The following PAFAH1B1 variants were observed in gnomAD, a reference collection of about 807,000 sequenced individuals.
PAFAH1B1 encodes platelet activating factor acetylhydrolase 1b regulatory subunit 1.
PAFAH1B1 carries 2 observed loss-of-function variants against 57.5 expected under a neutral mutation model. That is an observed-to-expected ratio of 0.03 (90% CI 0.01 to 0.11). The LOEUF (loss-of-function observed/expected upper bound fraction) is 0.11, where lower values mean the gene tolerates loss of function less well. PAFAH1B1 is among the 10% of genes least tolerant of loss of function. The pLI is 1.00. For missense variants in PAFAH1B1, 257 were observed against 512.0 expected, an observed-to-expected ratio of 0.50 and a Z score of 4.81; for synonymous variants, 152 against 169.6, an observed-to-expected ratio of 0.90 and a Z score of 0.81.
intron 3 of PAFAH1B1, 119 bp from the exon 4 acceptor site, chr17:2,665,897 G>A (rs1745209997): frequency 9.2e-7 from 1 of 1,083,898 alleles, no homozygotes; most frequent in Non-Finnish European, 1.3e-6. Flanking sequence ...ACCATGCCCA[G>A]CCACTCCCTT....
At chr17:2,665,865 G>A (rs2069100402) in intron 3 of PAFAH1B1, 151 bp from the exon 4 acceptor site, 1 of 793,322 alleles carries the variant, frequency 1.3e-6, no homozygotes, top group East Asian at 3.4e-5. Context: ...GCTTCCCAAA[G>A]TGCTGGGATT....
At chr17:2,614,593 G>A (rs760605219) in intron 1 of PAFAH1B1, among the ~76,000 whole-genome samples, 1 of 152,032 alleles carries the variant, frequency 6.6e-6, no homozygotes, top group Non-Finnish European at 1.5e-5. Flanking sequence ...TTTTAAAGAC[G>A]ACTTTTATAA....
intron 1 of PAFAH1B1, among the ~76,000 whole-genome samples, chr17:2,612,735 A>G (rs2068281601): frequency 6.6e-6 from 1 of 150,960 alleles, no homozygotes; most frequent in African/African-American, 2.4e-5. Context: ...CCAGCCTCCT[A>G]CGTAGCTGGG....
At chr17:2,647,531 T>C (rs1184737241) in intron 2 of PAFAH1B1, among the ~76,000 whole-genome samples, 1 of 152,086 alleles carries the variant, frequency 6.6e-6, no homozygotes, top group Non-Finnish European at 1.5e-5. Context: ...AGTGAGACCC[T>C]GTCTCAAAAA....
At chr17:2,598,658 T>C (rs1417776853) in intron 1 of PAFAH1B1, among the ~76,000 whole-genome samples, 5 of 151,670 alleles carry the variant, frequency 3.3e-5, no homozygotes, top group Non-Finnish European at 7.4e-5. Flanking sequence ...TGGTATACAA[T>C]ACGAGTTCTG....
chr17:2,593,970 G>C lies in PAFAH1B1; in HGVS notation c.-227G>C, dbSNP rs975501015. 2.7e-6 allele frequency: 1 copy of C among 375,638 alleles called. No individual in the cohort carries two copies. The highest frequency in any genetic ancestry group is 4.7e-6 in the Non-Finnish European group (1 of 212,238). The allele number at this position is 375,638 out of a possible 1,614,324, so 23.3% of individuals were successfully genotyped here. A position where few individuals can be genotyped will look rare whatever the true frequency, so the allele number is the denominator to read the frequency against. ...CCGCCGGTGGATGGGAGTGAAGGACGGAAGAGGCCCTGCGGAGGCGGCGGT... is the reference window on the plus strand; with the variant it reads ...CCGCCGGTGGATGGGAGTGAAGGACCGAAGAGGCCCTGCGGAGGCGGCGGT... On this transcript the variant is annotated 5_prime_UTR_variant, in exon 1 of 11. Coordinates refer to ENST00000397195, the MANE Select transcript of PAFAH1B1 (RefSeq NM_000430.4).
At chr17:2,643,670 G>C (rs538787242) in intron 2 of PAFAH1B1, among the ~76,000 whole-genome samples, 154 of 151,568 alleles carry the variant, frequency 1.0e-3, no homozygotes, top group Non-Finnish European at 1.7e-3. Context: ...AGTGATTCTT[G>C]TGTCTCAGCC....
chr17:2,654,103 G>A (rs1188961230), intron 2 of PAFAH1B1, among the ~76,000 whole-genome samples: 3 of 151,904 alleles, frequency 2.0e-5, no homozygotes, highest in Admixed American at 6.6e-5. Flanking sequence ...CACCATGCCC[G>A]GCCAGTCACT....
At chr17:2,633,462 C>G (rs1159406065) in intron 1 of PAFAH1B1, among the ~76,000 whole-genome samples, 1 of 151,606 alleles carries the variant, frequency 6.6e-6, no homozygotes, top group Non-Finnish European at 1.5e-5. Flanking sequence ...GCCACTGTGC[C>G]CAGCCAGGAT....
chr17:2,631,527 C>T lies in PAFAH1B1; in HGVS notation c.-190-6572C>T, dbSNP rs183286187. Among the ~76,000 whole-genome samples the T allele has an allele frequency of 2.7e-3, 409 of 152,262 alleles. 6 individuals carry two copies. Among genetic ancestry groups the T allele is most frequent in the Non-Finnish European group, 6.5e-4 (44 of 68,016 alleles). On this transcript the variant is annotated intron_variant, in intron 1 of 10. Transcript: ENST00000397195. ...GCTGCTTGGGGATCCAGTGAGCTCC[C>T]GGGGCCTTTCTGCTGCATCCTCTAT... is the stretch of plus-strand genomic sequence containing the variant.
At position 2,631,701 on chromosome 17, in the gene PAFAH1B1, C is replaced by G. The variant is rs187837786; in HGVS notation, c.-190-6398C>G. Among the ~76,000 whole-genome samples the G allele has an allele frequency of 1.4e-3, 213 of 152,230 alleles. 1 individual carries two copies. Among genetic ancestry groups the G allele is most frequent in the African/African-American group, 4.9e-3 (205 of 41,544 alleles). ...GACACTCACAGTATTTGGGGTGTCT[C>G]CCGGGTCCTGCAGGAGCAATCCGCT... On this transcript the variant is annotated intron_variant, in intron 1 of 10. Transcript: ENST00000397195.
Position 2,667,044 on chromosome 17 carries a change from G to T in PAFAH1B1, c.245G>T (p.Gly82Val). The T allele has an allele frequency of 1.2e-6, 2 of 1,613,974 alleles. No individual in the cohort carries two copies. The highest frequency in any genetic ancestry group is 1.7e-6 in the Non-Finnish European group (2 of 1,179,918). Residue 82 changes from glycine to valine, a missense_variant, in exon 5 of 11, where the codon GGT becomes GTT. Physicochemically the swap from Gly to Val is moderately radical, Grantham distance 109 (BLOSUM62 -3). Coordinates refer to ENST00000397195, the MANE Select transcript of PAFAH1B1 (RefSeq NM_000430.4). ...LNEAKEEFTS[G>V]GPLGQKRDPK... ...GAAGCAAAAGAAGAATTTACGTCAG[G>T]TGGACCTCTTGGTCAGAAACGAGAC...
chr17:2,653,268 C>G (rs1003129507), intron 2 of PAFAH1B1, among the ~76,000 whole-genome samples: 1 of 151,840 alleles, frequency 6.6e-6, no homozygotes, highest in African/African-American at 2.4e-5. Context: ...CAGGGCCTGT[C>G]GTGAGGTGAG....
intron 5 of PAFAH1B1, among the ~76,000 whole-genome samples, chr17:2,667,884 C>G (rs1456104014): frequency 1.3e-5 from 2 of 151,710 alleles, no homozygotes; most frequent in Non-Finnish European, 2.9e-5. Context: ...TTTTAAGTTG[C>G]CTTTGTTCCG....
chr17:2,681,517 G>A (rs1257649890), intron 10 of PAFAH1B1: 3 of 545,062 alleles, frequency 5.5e-6, no homozygotes, highest in East Asian at 3.1e-5. Flanking sequence ...CCAGGCTGGA[G>A]TGCAGTGGTG....
At chr17:2,671,396 A>T (rs955436839) in intron 6 of PAFAH1B1, among the ~76,000 whole-genome samples, 13 of 151,634 alleles carry the variant, frequency 8.6e-5, no homozygotes, top group African/African-American at 3.2e-4. Flanking sequence ...TTTAGTAGAG[A>T]CGGGGTTTCA....
chr17:2,638,216 G>A lies in PAFAH1B1; in HGVS notation c.-73G>A. The A allele has an allele frequency of 1.6e-6, 2 of 1,246,540 alleles. No homozygotes were observed. The highest frequency in any genetic ancestry group is 2.3e-6 in the Non-Finnish European group (2 of 853,176). The allele number at this position is 1,246,540 out of a possible 1,614,324, so 77.2% of individuals were successfully genotyped here. ...GGCATATTTAAATTATAAGTCCACG[G>A]ATCAAAAAGCTTTTTGATTTCCCAA... On this transcript the variant is annotated 5_prime_UTR_variant, in exon 2 of 11. Transcript: ENST00000397195.
chr17:2,614,735 T>C (rs2068315685), intron 1 of PAFAH1B1, among the ~76,000 whole-genome samples: 1 of 152,088 alleles, frequency 6.6e-6, no homozygotes, highest in Non-Finnish European at 1.5e-5. Flanking sequence ...CCACCATGCA[T>C]GGCTAGATTT....
At chr17:2,617,415 A>G (rs2068358812) in intron 1 of PAFAH1B1, among the ~76,000 whole-genome samples, 1 of 152,210 alleles carries the variant, frequency 6.6e-6, no homozygotes, top group African/African-American at 2.4e-5. Context: ...TAACTAATAG[A>G]AAAGCGAGGA....
Sources: gnomAD v4.1 joint callset for allele counts (sites outside exome capture counted in the v4.1 genomes callset) on GRCh38, gnomAD v4.1.1 for gene constraint, MANE v1.5 for transcripts, NCBI Gene and HGNC (gene_info 2026-07-23, HGNC 2026-07-21) for gene names.